NRXN3: variants seen among roughly 807,000 people sequenced by gnomAD.
NRXN3 encodes neurexin III.
In NRXN3, 32 loss-of-function variants were observed where a neutral mutation model predicts 137.6. That is an observed-to-expected ratio of 0.23 (90% confidence interval 0.18 to 0.31). The LOEUF (loss-of-function observed/expected upper bound fraction) is 0.31, where lower values mean the gene tolerates loss of function less well. Among genes scored for constraint, NRXN3 ranks in the 10% least tolerant of loss-of-function variants. NRXN3 has a pLI of 1.00. For synonymous variants in NRXN3, 798 were observed against 784.5 expected (o/e 1.02, Z -0.29); for missense variants, 1,574 against 2,062.5 (o/e 0.76, Z 4.59).
intron 15 of NRXN3, among the ~76,000 whole-genome samples, chr14:79,249,840 C>G (rs949000510): frequency 6.6e-6 from 1 of 152,178 alleles, no homozygotes; most frequent in African/African-American, 2.4e-5. Flanking sequence ...CCCAGTGTAC[C>G]TGCCTAGCAG....
chr14:79,402,901 A>T (rs1160245570), intron 15 of NRXN3, among the ~76,000 whole-genome samples: 2 of 152,232 alleles, frequency 1.3e-5, no homozygotes, highest in Non-Finnish European at 2.9e-5. Context: ...TATTTCAGTG[A>T]GTTGATTAAA....
At chr14:78,716,071 G>A (rs1465318351) in intron 8 of NRXN3, among the ~76,000 whole-genome samples, 3 of 152,096 alleles carry the variant, frequency 2.0e-5, no homozygotes, top group African/African-American at 4.8e-5. Context: ...GGAGGGGCAT[G>A]AGAGGGGACC....
intron 15 of NRXN3, among the ~76,000 whole-genome samples, chr14:79,066,952 T>G (rs1479386735): frequency 2.0e-5 from 3 of 151,988 alleles, no homozygotes; most frequent in East Asian, 3.9e-4. Context: ...TTCAAATACC[T>G]TTTATTTTTT....
chr14:79,545,036 C>T (rs886272125), intron 16 of NRXN3, among the ~76,000 whole-genome samples: 2 of 152,192 alleles, frequency 1.3e-5, no homozygotes, highest in African/African-American at 4.8e-5. Flanking sequence ...TAGCATGTAG[C>T]TGGAGGAGCT....
chr14:79,223,254 T>C (rs2070147624), intron 15 of NRXN3, among the ~76,000 whole-genome samples: 1 of 152,130 alleles, frequency 6.6e-6, no homozygotes, highest in Non-Finnish European at 1.5e-5. Flanking sequence ...GCCAAATATG[T>C]AAAGAGTTTG....
chr14:79,776,964 A>C (rs1182880834), intron 19 of NRXN3, among the ~76,000 whole-genome samples: 1 of 152,128 alleles, frequency 6.6e-6, no homozygotes, highest in Non-Finnish European at 1.5e-5. Context: ...AGGCAATTAC[A>C]TTTTTGTTCT....
chr14:78,882,900 T>A (rs1248892573), intron 10 of NRXN3, among the ~76,000 whole-genome samples: 1 of 151,596 alleles, frequency 6.6e-6, no homozygotes, highest in African/African-American at 2.4e-5. Context: ...AATCCCCATG[T>A]GTTATGGGAG....
intron 6 of NRXN3, among the ~76,000 whole-genome samples, chr14:78,653,742 C>CACACAT (rs1267331821): frequency 6.6e-6 from 1 of 150,894 alleles, no homozygotes; most frequent in African/African-American, 2.5e-5. Context: ...CACACACACA[C>CACACAT]ATTTTTGCTG....
rs143687341 is a variant in NRXN3, at chr14:78,390,776, T to C, written c.757+92916T>C. On this transcript the variant is annotated intron_variant, in intron 4 of 20. Coordinates refer to ENST00000335750, the MANE Select transcript of NRXN3 (RefSeq NM_001330195.2). ...TAAATGAGTATTTTAGATAATCTTTTTAAAAATGTTATTATTTTTAAGTTC... is the reference window on the plus strand; with the variant it reads ...TAAATGAGTATTTTAGATAATCTTTCTAAAAATGTTATTATTTTTAAGTTC... Among the ~76,000 whole-genome samples the C allele has an allele frequency of 5.6e-3, 851 of 152,328 alleles. 3 individuals carry two copies. Among genetic ancestry groups the C allele is most frequent in the African/African-American group, 0.019 (799 of 41,580 alleles).
At chr14:79,407,609 T>A (rs185686540) in intron 15 of NRXN3, among the ~76,000 whole-genome samples, 14 of 152,274 alleles carry the variant, frequency 9.2e-5, no homozygotes, top group Non-Finnish European at 1.8e-4. Flanking sequence ...AGTGCTTTGA[T>A]ATCAAGTTTA....
At chr14:78,924,612 A>T (rs555699757) in intron 10 of NRXN3, among the ~76,000 whole-genome samples, 4 of 152,306 alleles carry the variant, frequency 2.6e-5, no homozygotes, top group African/African-American at 9.6e-5. Context: ...CTCCTTGATG[A>T]TAACAAACCA....
intron 4 of NRXN3, among the ~76,000 whole-genome samples, chr14:78,333,834 T>C (rs1235339607): frequency 2.6e-5 from 4 of 152,090 alleles, no homozygotes. Flanking sequence ...ATCTCTCTTG[T>C]ATTTTAATAG....
intron 15 of NRXN3, among the ~76,000 whole-genome samples, chr14:79,125,278 A>G (rs2056206273): frequency 6.6e-6 from 1 of 152,120 alleles, no homozygotes; most frequent in Admixed American, 6.5e-5. Flanking sequence ...CTTAGCACTT[A>G]TTAGTGTATA....
Position 78,966,324 on chromosome 14 carries a change from T to C in NRXN3, c.2695T>C (p.Phe899Leu), listed in dbSNP as rs758217950. 1.2e-6 allele frequency: 2 copies of C among 1,614,192 alleles called. No homozygotes were observed. The highest frequency in any genetic ancestry group is 1.7e-6 in the Non-Finnish European group (2 of 1,180,016). Residue 899 changes from phenylalanine (F) to leucine (L), a missense_variant, in exon 12 of 21, where the codon TTC becomes CTC. Phe to Leu is a conservative substitution (Grantham distance 22, BLOSUM62 0). This residue lies in a region of NRXN3 where 718 missense variants were observed against 887.6 expected (regional missense o/e 0.81). Transcript: ENST00000335750. ...CACCTCCATGCACCTCTTCTTCCAG[T>C]TCAAGACCACCTCACCAGATGGCTT... The part of the protein sequence containing the change: ...AYTSMHLFFQ[F>L]KTTSPDGFIL...
rs1655302783 is a variant in NRXN3, at chr14:79,858,691, G to A, written c.4094-2651G>A. ...TGAAGGTAAGTAAAACTGTGCCTGA[G>A]AAATCCTTACGGAAGCTTTAGACAG... On this transcript the variant is annotated intron_variant, in intron 20 of 20. Transcript: ENST00000335750. Among the ~76,000 whole-genome samples the A allele has an allele frequency of 2.6e-5, 4 of 151,974 alleles. No individual in the cohort carries two copies. The South Asian group carries it at 6.2e-4, about 24-fold the overall frequency.
At chr14:78,653,084 G>GA (rs2097759423) in intron 6 of NRXN3, among the ~76,000 whole-genome samples, 1 of 152,276 alleles carries the variant, frequency 6.6e-6, no homozygotes, top group South Asian at 2.1e-4. Flanking sequence ...ATAAAGGAGA[G>GA]AAAATCCAAT....
chr14:79,681,380 C>T (rs755834959), intron 17 of NRXN3, among the ~76,000 whole-genome samples: 2 of 152,214 alleles, frequency 1.3e-5, no homozygotes, highest in African/African-American at 2.4e-5. Context: ...CCAAAATTTC[C>T]GTGGCTCATG....
chr14:78,250,696 A>G (rs1000590924), intron 2 of NRXN3, among the ~76,000 whole-genome samples: 4 of 152,196 alleles, frequency 2.6e-5, no homozygotes, highest in African/African-American at 9.7e-5. Context: ...TGAACGTGTC[A>G]TGGGTGCAAG....
intron 16 of NRXN3, among the ~76,000 whole-genome samples, chr14:79,630,732 G>A (rs953723467): frequency 3.3e-5 from 5 of 152,118 alleles, no homozygotes; most frequent in East Asian, 1.9e-4. Context: ...GCCATTTTGC[G>A]TGAAAATAGT....
Sources: allele counts gnomAD v4.1 joint callset (sites outside exome capture counted in the v4.1 genomes callset), GRCh38; gene constraint gnomAD v4.1.1; regional missense constraint gnomAD v4.1.1; transcripts MANE v1.5; gene names NCBI Gene and HGNC (gene_info 2026-07-23, HGNC 2026-07-21).